C8orf74: variants seen among roughly 807,000 people sequenced by gnomAD.
C8orf74 encodes the protein chromosome 8 open reading frame 74.
A neutral mutation model predicts 22.2 loss-of-function variants in C8orf74; 29 were observed. That is an observed-to-expected ratio of 1.31 (90% CI 0.97 to 1.78). C8orf74 has a LOEUF of 1.78. Ranked by LOEUF, C8orf74 falls within the 40% of genes most tolerant of loss-of-function variation. C8orf74 has a pLI of 0.00. For missense variants in C8orf74, 515 were observed against 369.9 expected (o/e 1.39, Z -3.22); for synonymous variants, 255 against 163.1 (o/e 1.56, Z -4.30).
intron 2 of C8orf74, chr8:10,688,447 G>A (rs1188333181): frequency 1.3e-5 from 2 of 152,200 alleles, no homozygotes; most frequent in African/African-American, 4.8e-5. Flanking sequence ...TCCCCAGTCT[G>A]TGCTCATACC....
At chr8:10,695,500 C>T (rs1229713686) in intron 2 of C8orf74, among the ~76,000 whole-genome samples, 2 of 152,224 alleles carry the variant, frequency 1.3e-5, no homozygotes, top group African/African-American at 4.8e-5. Context: ...CACATCCTAA[C>T]ATGGCTCCAA....
At chr8:10,673,318 A>G (rs113247593) in intron 1 of C8orf74, among the ~76,000 whole-genome samples, 126 of 152,238 alleles carry the variant, frequency 8.3e-4, no homozygotes, top group African/African-American at 2.7e-3. Flanking sequence ...CTGGGAGCCT[A>G]TAAGAACTTT....
chr8:10,699,025 C>G (rs139759894), intron 3 of C8orf74, among the ~76,000 whole-genome samples: 1 of 152,138 alleles, frequency 6.6e-6, no homozygotes, highest in Non-Finnish European at 1.5e-5. Context: ...AATAGCACAT[C>G]AGGGGGCCAT....
In C8orf74 at chr8:10,682,884, T is replaced by G. The variant is rs892627452; in HGVS notation, c.241+8046T>G. Reference sequence around the variant, plus strand: ...CATGTGCTTGGCCTTTAACACAGCTTCTGTAATTGTCACTGCAACCTGGCT... The same window carrying G: ...CATGTGCTTGGCCTTTAACACAGCTGCTGTAATTGTCACTGCAACCTGGCT... On this transcript the variant is annotated intron_variant, in intron 2 of 3. Coordinates refer to ENST00000304519, the MANE Select transcript of C8orf74 (RefSeq NM_001040032.2). 2.0e-5 allele frequency among the ~76,000 whole-genome samples: 3 copies of G among 152,212 alleles called. 1 individual carries two copies. The highest frequency in any genetic ancestry group is 2.0e-4 in the Admixed American group (3 of 15,282).
intron 2 of C8orf74, 47 bp from the exon 3 acceptor site, chr8:10,697,552 G>C (rs769282986): frequency 1.3e-6 from 2 of 1,565,512 alleles, no homozygotes; most frequent in Non-Finnish European, 1.7e-6. Flanking sequence ...GCCTGGCAGG[G>C]CAGCTCTGTC....
chr8:10,674,166 C>CA (rs1798975750), intron 1 of C8orf74, among the ~76,000 whole-genome samples: 1 of 143,314 alleles, frequency 7.0e-6, no homozygotes, highest in Non-Finnish European at 1.5e-5. Context: ...CCCTGCAGCC[C>CA]CCATATCACA....
At chr8:10,679,214 G>A (rs998182488) in intron 2 of C8orf74, among the ~76,000 whole-genome samples, 2 of 152,148 alleles carry the variant, frequency 1.3e-5, no homozygotes, top group African/African-American at 4.8e-5. Flanking sequence ...CTGGAACGGT[G>A]GTCAGCATAG....
At position 10,674,744 on chromosome 8, in the gene C8orf74, C is replaced by A. The variant is rs200806889; in HGVS notation, c.147C>A (p.Tyr49Ter). ...GGAGCATCCTGCTGGACACCCTCTA[C>A]GAGAGCATCATCTTTGCAGTGGGCA... ...SRRSILLDTLYESIIFAVGKG... is the reference protein window; with the variant it reads ...SRRSILLDTL The change falls in exon 2 of 4, where the codon TAC (tyrosine) becomes TAA (stop). Residue 49 changes from tyrosine to a stop codon, truncating the protein, a stop_gained. Transcript: ENST00000304519. LOFTEE classifies it high-confidence loss of function. 6.2e-7 allele frequency: 1 copy of A among 1,607,196 alleles called. No homozygotes were observed. Among genetic ancestry groups the A allele is most frequent in the Non-Finnish European group, 8.5e-7 (1 of 1,176,904 alleles).
intron 2 of C8orf74, among the ~76,000 whole-genome samples, chr8:10,686,838 G>A: frequency 6.6e-6 from 1 of 152,156 alleles, no homozygotes; most frequent in Non-Finnish European, 1.5e-5. Context: ...GCAGTAAGTG[G>A]TGTCCTATTC....
At chr8:10,692,689 T>C (rs1218414084) in intron 2 of C8orf74, 2 of 151,414 alleles carry the variant, frequency 1.3e-5, no homozygotes, top group African/African-American at 4.9e-5. Context: ...TTTTTTATAG[T>C]GTTCGGGTCT....
At position 10,700,590 on chromosome 8, in the gene C8orf74, A is replaced by C. The variant is rs1352271292; in HGVS notation, c.*119A>C. 2 of 611,704 alleles carry C rather than the reference A, an allele frequency of 3.3e-6. No homozygotes were observed. Among genetic ancestry groups the C allele is most frequent in the South Asian group, 2.5e-5 (1 of 39,582 alleles). 37.9% of individuals were successfully genotyped at this position (611,704 alleles called of 1,614,324 possible). A position where few individuals can be genotyped will look rare whatever the true frequency, so the allele number is the denominator to read the frequency against. ...TCTTGTGATTAAAAGAAACAAACCC[A>C]TGCCATCATCTGGTCTCTGTCTTGG... On this transcript the variant is annotated 3_prime_UTR_variant, in exon 4 of 4. Coordinates refer to ENST00000304519, the MANE Select transcript of C8orf74 (RefSeq NM_001040032.2).
intron 2 of C8orf74, among the ~76,000 whole-genome samples, chr8:10,693,164 C>A (rs1351995416): frequency 5.9e-5 from 9 of 152,214 alleles, no homozygotes; most frequent in Admixed American, 5.2e-4. Context: ...AGCCTGCTCA[C>A]TGCCTTCCTC....
intron 2 of C8orf74, among the ~76,000 whole-genome samples, chr8:10,683,983 C>T (rs778274991): frequency 3.7e-4 from 57 of 152,306 alleles, no homozygotes; most frequent in African/African-American, 1.0e-3. Flanking sequence ...CAAATCCCTG[C>T]GTGCTAAGGA....
chr8:10,678,247 C>T (rs569831378), intron 2 of C8orf74, among the ~76,000 whole-genome samples: 1 of 152,268 alleles, frequency 6.6e-6, no homozygotes, highest in Admixed American at 6.5e-5. Context: ...CCTCTGTGGA[C>T]ACATCTAGAA....
intron 2 of C8orf74, among the ~76,000 whole-genome samples, chr8:10,676,679 G>T (rs1023308501): frequency 4.6e-5 from 7 of 152,034 alleles, no homozygotes; most frequent in Non-Finnish European, 1.0e-4. Context: ...TCACAGGCTG[G>T]ACTCAGAGAT....
At chr8:10,694,250 G>A (rs557491300) in intron 2 of C8orf74, among the ~76,000 whole-genome samples, 3 of 152,206 alleles carry the variant, frequency 2.0e-5, no homozygotes, top group Non-Finnish European at 4.4e-5. Flanking sequence ...CTTACATAGT[G>A]CCGAGTAATT....
intron 2 of C8orf74, among the ~76,000 whole-genome samples, chr8:10,676,517 T>A (rs960262215): frequency 6.6e-6 from 1 of 152,228 alleles, no homozygotes; most frequent in African/African-American, 2.4e-5. Flanking sequence ...CACCTCTGTT[T>A]GAAGGCATCC....
At chr8:10,698,488 G>A (rs1799580027) in intron 3 of C8orf74, among the ~76,000 whole-genome samples, 1 of 152,150 alleles carries the variant, frequency 6.6e-6, no homozygotes, top group African/African-American at 2.4e-5. Flanking sequence ...AAAGGCTGGA[G>A]CTGGGGCCCA....
chr8:10,700,318 A>T lies in C8orf74; in HGVS notation c.732A>T (p.Thr244=). The change falls in exon 4 of 4, where the codon ACA becomes ACT. Residue 244 remains threonine, a synonymous_variant. Transcript: ENST00000304519. Reference sequence around the variant, plus strand: ...TGCTGCAGCGCCAGATCCAGAACACATTCGCCATCTTGGACCTGAAGCTTC... The same window carrying T: ...TGCTGCAGCGCCAGATCCAGAACACTTTCGCCATCTTGGACCTGAAGCTTC... ...QELLQRQIQN[T]FAILDLKLQK... The T allele has an allele frequency of 6.2e-7, 1 of 1,613,820 alleles. No homozygotes were observed. Among genetic ancestry groups the T allele is most frequent in the Non-Finnish European group, 8.5e-7 (1 of 1,179,822 alleles).
Sources: allele counts gnomAD v4.1 joint callset (sites outside exome capture counted in the v4.1 genomes callset), GRCh38; gene constraint gnomAD v4.1.1; transcripts MANE v1.5; gene names NCBI Gene and HGNC (gene_info 2026-07-23, HGNC 2026-07-21).